The following CSRNP3 variants were observed in gnomAD, a reference collection of about 807,000 sequenced individuals.
CSRNP3 encodes the protein cysteine and serine rich nuclear protein 3.
CSRNP3 carries 12 observed loss-of-function variants against 48.0 expected under a neutral mutation model. The observed-to-expected ratio is 0.25, with a 90% confidence interval of 0.16 to 0.41. The LOEUF is 0.41. Ranked by LOEUF, CSRNP3 falls within the 10% of genes least tolerant of loss-of-function variation. The pLI, the probability that CSRNP3 is intolerant of heterozygous loss-of-function variation, is 1.00. For missense variants in CSRNP3, 580 were observed against 724.4 expected (o/e 0.80, Z 2.29); for synonymous variants, 263 against 269.7 (o/e 0.98, Z 0.24).
At chr2:165,622,092 TA>T (rs796753497) in intron 4 of CSRNP3, among the ~76,000 whole-genome samples, 3 of 151,940 alleles carry the variant, frequency 2.0e-5, no homozygotes, top group Admixed American at 1.3e-4. Flanking sequence ...TATTTCACAT[TA>T]AAAAAAATAA....
At chr2:165,665,620 G>A (rs924776595) in intron 5 of CSRNP3, among the ~76,000 whole-genome samples, 5 of 151,888 alleles carry the variant, frequency 3.3e-5, no homozygotes, top group Non-Finnish European at 7.4e-5. Flanking sequence ...AATTTAGCTG[G>A]GCAGTTGCAT....
At chr2:165,608,786 A>T (rs1308442315) in intron 4 of CSRNP3, among the ~76,000 whole-genome samples, 1 of 50,756 alleles carries the variant, frequency 2.0e-5, no homozygotes, top group East Asian at 4.1e-4. Context: ...AATGTAAAAA[A>T]ATTAAAAAAA....
chr2:165,631,774 TATAA>T (rs1050371204), intron 4 of CSRNP3, among the ~76,000 whole-genome samples: 1 of 152,256 alleles, frequency 6.6e-6, no homozygotes, highest in African/African-American at 2.4e-5. Flanking sequence ...CACCAGTTGT[TATAA>T]ATAAAGTTTT....
intron 5 of CSRNP3, among the ~76,000 whole-genome samples, chr2:165,660,037 T>C (rs1310040832): frequency 6.6e-6 from 1 of 152,172 alleles, no homozygotes; most frequent in African/African-American, 2.4e-5. Context: ...CAATCCTCTA[T>C]TATTGTTGTT....
intron 4 of CSRNP3, among the ~76,000 whole-genome samples, chr2:165,629,795 A>G (rs987489763): frequency 1.3e-5 from 2 of 152,138 alleles, no homozygotes; most frequent in African/African-American, 4.8e-5. Flanking sequence ...CATTAATCCT[A>G]TTTGATCTCC....
intron 4 of CSRNP3, among the ~76,000 whole-genome samples, chr2:165,644,120 T>C (rs1479056285): frequency 6.6e-6 from 1 of 152,174 alleles, no homozygotes; most frequent in Non-Finnish European, 1.5e-5. Context: ...TAGAGATGAG[T>C]TTACAAACTC....
chr2:165,618,795 T>G (rs1362136814), intron 4 of CSRNP3, among the ~76,000 whole-genome samples: 1 of 152,134 alleles, frequency 6.6e-6, no homozygotes, highest in African/African-American at 2.4e-5. Flanking sequence ...GGAGAAAATA[T>G]TTTGAGTTGG....
At chr2:165,605,165 A>G (rs1030546773) in intron 4 of CSRNP3, among the ~76,000 whole-genome samples, 6 of 152,084 alleles carry the variant, frequency 3.9e-5, no homozygotes, top group Admixed American at 2.6e-4. Context: ...ATCACTTTCA[A>G]TTGAACTCAT....
intron 3 of CSRNP3, among the ~76,000 whole-genome samples, chr2:165,544,217 A>G (rs1684994621): frequency 6.6e-6 from 1 of 152,144 alleles, no homozygotes; most frequent in Admixed American, 6.6e-5. Flanking sequence ...GCAGGTAGCC[A>G]AGGAGTCATC....
intron 4 of CSRNP3, among the ~76,000 whole-genome samples, chr2:165,612,130 T>C (rs1300193321): frequency 2.0e-5 from 3 of 152,222 alleles, no homozygotes; most frequent in East Asian, 3.9e-4. Flanking sequence ...TTTTGCTATA[T>C]ACAAAGATGT....
chr2:165,493,370 A>G (rs1052460436), intron 1 of CSRNP3, among the ~76,000 whole-genome samples: 4 of 152,114 alleles, frequency 2.6e-5, no homozygotes, highest in African/African-American at 7.2e-5. Flanking sequence ...AAACTGATGC[A>G]TCTCTAGTCA....
chr2:165,531,661 G>A (rs1175819803), intron 3 of CSRNP3, among the ~76,000 whole-genome samples: 1 of 152,132 alleles, frequency 6.6e-6, no homozygotes, highest in African/African-American at 2.4e-5. Context: ...AGAAAAGCAA[G>A]AGCAAACACA....
Position 165,681,275 on chromosome 2 carries a change from A to G in CSRNP3, c.*1522A>G, listed in dbSNP as rs1488963791. 4 of 151,924 alleles carry G rather than the reference A, an allele frequency of 2.6e-5. No homozygotes were observed. Among genetic ancestry groups the G allele is most frequent in the African/African-American group, 4.8e-5 (2 of 41,356 alleles). 9.4% of individuals were successfully genotyped at this position (151,924 alleles called of 1,614,324 possible). A position where few individuals can be genotyped will look rare whatever the true frequency, so the allele number is the denominator to read the frequency against. ...TTCATATTTTTGACCTTCTATTGTTATATCACTTCACATGTTTTATAACTA... is the reference window on the plus strand; with the variant it reads ...TTCATATTTTTGACCTTCTATTGTTGTATCACTTCACATGTTTTATAACTA... On this transcript the variant is annotated 3_prime_UTR_variant, in exon 7 of 7. Coordinates refer to ENST00000651982, the MANE Select transcript of CSRNP3 (RefSeq NM_001172173.2).
chr2:165,521,364 T>C (rs1684660016), intron 3 of CSRNP3, among the ~76,000 whole-genome samples: 1 of 152,150 alleles, frequency 6.6e-6, no homozygotes, highest in Non-Finnish European at 1.5e-5. Context: ...AACTGAAACT[T>C]GACTTTTCAA....
Position 165,685,185 on chromosome 2 carries a change from C to T in CSRNP3, c.*5432C>T, listed in dbSNP as rs776961535. The T allele has an allele frequency of 6.6e-6, 1 of 152,074 alleles. No individual in the cohort carries two copies. Among genetic ancestry groups the T allele is most frequent in the Non-Finnish European group, 1.5e-5 (1 of 67,988 alleles). 9.4% of individuals were successfully genotyped at this position (152,074 alleles called of 1,614,324 possible). The stretch of plus-strand genomic sequence containing the variant: ...AAAAAAGCTCTTCTTTCACATTTTA[C>T]CTACCAAATCTAGATATTCAACGTG... On this transcript the variant is annotated 3_prime_UTR_variant, in exon 7 of 7. Transcript: ENST00000651982.
At chr2:165,667,014 G>GA (rs1687236965) in intron 5 of CSRNP3, among the ~76,000 whole-genome samples, 6 of 133,342 alleles carry the variant, frequency 4.5e-5, no homozygotes, top group Admixed American at 3.1e-4. Flanking sequence ...AGGAAGGAAG[G>GA]AAGGAAAGAG....
chr2:165,548,358 A>G (rs2105257945), intron 3 of CSRNP3, among the ~76,000 whole-genome samples: 1 of 152,192 alleles, frequency 6.6e-6, no homozygotes, highest in African/African-American at 2.4e-5. Flanking sequence ...ATTGTAAAAT[A>G]AGATTAGTAA....
intron 5 of CSRNP3, among the ~76,000 whole-genome samples, chr2:165,667,947 A>G (rs1687262523): frequency 6.6e-6 from 1 of 152,236 alleles, no homozygotes. Flanking sequence ...GCAATATGCC[A>G]TAGTGATTAA....
intron 1 of CSRNP3, among the ~76,000 whole-genome samples, chr2:165,476,342 G>A (rs1436236492): frequency 6.6e-6 from 1 of 152,148 alleles, no homozygotes; most frequent in Non-Finnish European, 1.5e-5. Flanking sequence ...CTATGCCTCA[G>A]GGTAAAGGTA....
Sources: allele counts gnomAD v4.1 joint callset (sites outside exome capture counted in the v4.1 genomes callset), GRCh38; gene constraint gnomAD v4.1.1; transcripts MANE v1.5; gene names NCBI Gene and HGNC (gene_info 2026-07-23, HGNC 2026-07-21).